The following FAM168A variants were observed in gnomAD, a reference collection of about 807,000 sequenced individuals.
FAM168A encodes the protein family with sequence similarity 168 member A, also known as protein FAM168A.
In FAM168A, 3 loss-of-function variants were observed where a neutral mutation model predicts 28.5. The ratio of observed to expected loss-of-function variants is 0.11; its 90% CI spans 0.05 to 0.27. FAM168A has a LOEUF of 0.27. FAM168A is among the 10% of genes least tolerant of loss of function. The probability of loss-of-function intolerance (pLI) is 1.00; values close to 1 mark genes in which losing one functional copy is unlikely to be tolerated. For synonymous variants in FAM168A, 122 were observed against 124.2 expected, an observed-to-expected ratio of 0.98 and a Z score of 0.12; for missense variants, 222 against 311.5, an observed-to-expected ratio of 0.71 and a Z score of 2.16.
intron 1 of FAM168A, among the ~76,000 whole-genome samples, chr11:73,468,765 A>C (rs1024404623): frequency 6.6e-6 from 1 of 152,198 alleles, no homozygotes; most frequent in African/African-American, 2.4e-5. Flanking sequence ...TAGTCCCACT[A>C]TCCCACAGAC....
chr11:73,494,488 C>G (rs1219925331), intron 1 of FAM168A, among the ~76,000 whole-genome samples: 1 of 152,198 alleles, frequency 6.6e-6, no homozygotes, highest in Non-Finnish European at 1.5e-5. Flanking sequence ...AGGCCAAGTC[C>G]TTTGTCTCAG....
intron 1 of FAM168A, among the ~76,000 whole-genome samples, chr11:73,587,823 C>T (rs1944334123): frequency 6.6e-6 from 1 of 151,842 alleles, no homozygotes; most frequent in South Asian, 2.1e-4. Flanking sequence ...AATCTCGGAT[C>T]ACTGCAACCT....
chr11:73,464,879 A>ATTT (rs1198629874), intron 2 of FAM168A, among the ~76,000 whole-genome samples: 3 of 149,584 alleles, frequency 2.0e-5, no homozygotes, highest in East Asian at 3.9e-4. Flanking sequence ...TTTTTTTTTA[A>ATTT]AACAAATGAT....
intron 1 of FAM168A, among the ~76,000 whole-genome samples, chr11:73,596,589 T>C (rs1387901630): frequency 1.3e-5 from 2 of 152,134 alleles, no homozygotes; most frequent in Non-Finnish European, 2.9e-5. Context: ...CCGTGTCCCC[T>C]GCAAAGTCCC....
intron 2 of FAM168A, among the ~76,000 whole-genome samples, chr11:73,453,476 C>T (rs1003259546): frequency 2.0e-5 from 3 of 152,198 alleles, no homozygotes; most frequent in African/African-American, 7.2e-5. Flanking sequence ...CTCCTGGGGA[C>T]CCAGCCCGCA....
chr11:73,446,968 C>A (rs1226239340), intron 2 of FAM168A, among the ~76,000 whole-genome samples: 1 of 152,230 alleles, frequency 6.6e-6, no homozygotes, highest in African/African-American at 2.4e-5. Context: ...CCAGCCAAGT[C>A]CAGCTCTTGC....
intron 1 of FAM168A, among the ~76,000 whole-genome samples, chr11:73,491,524 C>A (rs754239184): frequency 2.6e-4 from 40 of 152,148 alleles, no homozygotes; most frequent in Admixed American, 2.5e-3. Context: ...TGTTTTTACT[C>A]AAGACAAAAC....
At chr11:73,429,037 G>T (rs1163383287) in intron 3 of FAM168A, among the ~76,000 whole-genome samples, 1 of 152,152 alleles carries the variant, frequency 6.6e-6, no homozygotes, top group Non-Finnish European at 1.5e-5. Context: ...TAACTTCTTG[G>T]TGTGTGTGTA....
At position 73,409,484 on chromosome 11, in the gene FAM168A, C is replaced by T; in HGVS notation, c.595+3G>A. 1 of 1,613,624 alleles carries T rather than the reference C, an allele frequency of 6.2e-7. No homozygotes were observed. Among genetic ancestry groups the T allele is most frequent in the South Asian group, 1.1e-5 (1 of 90,976 alleles). ...TGGACACTGATGCAGATGCTGCCCTCACCTGCTGACATTGCCATGGTGGTG... is the reference window on the plus strand; with the variant it reads ...TGGACACTGATGCAGATGCTGCCCTTACCTGCTGACATTGCCATGGTGGTG... On this transcript the variant is annotated splice_donor_region_variant and intron_variant, in intron 6 of 7. Transcript: ENST00000356467.
intron 1 of FAM168A, among the ~76,000 whole-genome samples, chr11:73,596,404 A>C (rs1473407186): frequency 6.6e-6 from 1 of 152,128 alleles, no homozygotes; most frequent in Non-Finnish European, 1.5e-5. Flanking sequence ...CTTACTTTTT[A>C]TGATATACAA....
At chr11:73,541,823 G>A (rs540873080) in intron 1 of FAM168A, among the ~76,000 whole-genome samples, 16 of 152,126 alleles carry the variant, frequency 1.1e-4, no homozygotes, top group Non-Finnish European at 5.9e-5. Flanking sequence ...GATGATGATA[G>A]GAGAAAGTTT....
At chr11:73,496,920 C>T (rs998599540) in intron 1 of FAM168A, among the ~76,000 whole-genome samples, 1 of 151,444 alleles carries the variant, frequency 6.6e-6, no homozygotes, top group African/African-American at 2.4e-5. Context: ...CACACACGCA[C>T]ACACACACAC....
intron 1 of FAM168A, among the ~76,000 whole-genome samples, chr11:73,513,962 T>A (rs1180220457): frequency 6.6e-6 from 1 of 152,060 alleles, no homozygotes; most frequent in East Asian, 1.9e-4. Context: ...GGTGGGCAGA[T>A]TGCTTGAGCC....
intron 1 of FAM168A, among the ~76,000 whole-genome samples, chr11:73,594,414 T>A (rs1201427240): frequency 6.6e-6 from 1 of 151,876 alleles, no homozygotes; most frequent in Non-Finnish European, 1.5e-5. Flanking sequence ...TTTTGGTTTT[T>A]GAGGTTTTTT....
chr11:73,484,815 C>T (rs1868032098), intron 1 of FAM168A, among the ~76,000 whole-genome samples: 1 of 151,356 alleles, frequency 6.6e-6, no homozygotes, highest in African/African-American at 2.4e-5. Context: ...AGGCCATCTG[C>T]AAGCTGAGGA....
chr11:73,487,165 A>G (rs140497831), intron 1 of FAM168A, among the ~76,000 whole-genome samples: 209 of 152,054 alleles, frequency 1.4e-3, no homozygotes, highest in African/African-American at 4.9e-3. Flanking sequence ...GGCTCTGTAC[A>G]TTCCATGCTC....
chr11:73,417,766 G>A (rs192930290), intron 4 of FAM168A, among the ~76,000 whole-genome samples: 9 of 152,032 alleles, frequency 5.9e-5, no homozygotes, highest in East Asian at 5.8e-4. Flanking sequence ...TCACCATGTT[G>A]GCCAGGATGG....
At chr11:73,579,560 G>A (rs1944219756) in intron 1 of FAM168A, among the ~76,000 whole-genome samples, 1 of 152,134 alleles carries the variant, frequency 6.6e-6, no homozygotes, top group African/African-American at 2.4e-5. Flanking sequence ...TGTCAGTAAA[G>A]CATAAATAAC....
At chr11:73,489,339 C>T (rs944491387) in intron 1 of FAM168A, among the ~76,000 whole-genome samples, 1 of 152,124 alleles carries the variant, frequency 6.6e-6, no homozygotes, top group East Asian at 1.9e-4. Flanking sequence ...TTTGAACCCA[C>T]TCCAATCAGA....
Sources: gnomAD v4.1 joint callset for allele counts (sites outside exome capture counted in the v4.1 genomes callset) on GRCh38, gnomAD v4.1.1 for gene constraint, MANE v1.5 for transcripts, NCBI Gene and HGNC (gene_info 2026-07-23, HGNC 2026-07-21) for gene names.